Variants in MTF1 observed in about 807,000 individuals in gnomAD.
MTF1 encodes metal regulatory transcription factor 1, also known as MRE-binding transcription factor.
MTF1 carries 22 observed loss-of-function variants against 70.4 expected under a neutral mutation model. That is an observed-to-expected ratio of 0.31 (90% CI 0.22 to 0.45). The LOEUF is 0.45. Among genes scored for constraint, MTF1 ranks in the 20% least tolerant of loss-of-function variants. MTF1 has a pLI of 1.00. For missense variants in MTF1, 649 were observed against 922.0 expected, an observed-to-expected ratio of 0.70 and a Z score of 3.83; for synonymous variants, 333 against 352.8, an observed-to-expected ratio of 0.94 and a Z score of 0.63.
intron 9 of MTF1, among the ~76,000 whole-genome samples, chr1:37,821,845 C>G (rs1407472801): frequency 6.6e-6 from 1 of 152,080 alleles, no homozygotes; most frequent in Non-Finnish European, 1.5e-5. Context: ...CTTTTTTATA[C>G]TAGATGATGT....
At chr1:37,838,794 A>ATTATTTTTTTTTTTTTTTTTTTTTTTTT in intron 3 of MTF1, 38 bp from the exon 4 acceptor site, 2 of 501,744 alleles carry the variant, frequency 4.0e-6, no homozygotes, top group Non-Finnish European at 2.9e-6. Context: ...TTGTCATAAA[A>ATTATTTTTTTTTTTTTTTTTTTTTTTTT]TTCTTTTTTT....
Position 37,815,314 on chromosome 1 carries a change from C to G in MTF1, c.2084G>C (p.Cys695Ser). The G allele has an allele frequency of 1.2e-6, 2 of 1,614,084 alleles. No individual in the cohort carries two copies. The highest frequency in any genetic ancestry group is 1.7e-6 in the Non-Finnish European group (2 of 1,180,036). Residue 695 changes from cysteine to serine, a missense_variant, in exon 11 of 11, where the codon TGT (cysteine) becomes TCT (serine). Physicochemically the swap from Cys to Ser is moderately radical, Grantham distance 112. Around this residue, in one of 7 missense-constraint regions of MTF1, gnomAD observed 138 missense variants for 134.4 expected, o/e 1.03. Coordinates refer to ENST00000373036, the MANE Select transcript of MTF1 (RefSeq NM_005955.3). The surrounding 1 kb of genome is among the most constrained non-coding windows in gnomAD (Gnocchi z 4.5). ...AGTCTCTGCTTGTCGGCTTTGCTCA[C>G]AGGAGGAGGGCAAGGTAGAGGATGA... Reference protein sequence around the residue: ...GSSSSTLPSSCEQSRQAETPS... With the variant: ...GSSSSTLPSSSEQSRQAETPS...
chr1:37,839,245 G>T (rs1641220082), intron 3 of MTF1, among the ~76,000 whole-genome samples: 1 of 152,134 alleles, frequency 6.6e-6, no homozygotes, highest in African/African-American at 2.4e-5. Context: ...TAGCACAGTG[G>T]TATGAGTGTG....
At chr1:37,816,908 C>T (rs979399395) in intron 10 of MTF1, among the ~76,000 whole-genome samples, 3 of 152,050 alleles carry the variant, frequency 2.0e-5, no homozygotes, top group Non-Finnish European at 4.4e-5. Context: ...AGGGTGGGAA[C>T]GGGGAGGCCT....
intron 4 of MTF1, 61 bp from the exon 5 acceptor site, chr1:37,835,805 T>A: frequency 5.3e-6 from 7 of 1,322,520 alleles, no homozygotes; most frequent in Non-Finnish European, 6.5e-6. Context: ...ATCCTGAACG[T>A]CTTTTTTTTT....
intron 7 of MTF1, among the ~76,000 whole-genome samples, chr1:37,831,310 C>T (rs1342592750): frequency 6.6e-6 from 1 of 152,198 alleles, no homozygotes; most frequent in Non-Finnish European, 1.5e-5. Flanking sequence ...GACAAGCTGA[C>T]TCAGCAGGCT....
chr1:37,858,827 G>A (rs986439951), intron 1 of MTF1, among the ~76,000 whole-genome samples: 1 of 152,222 alleles, frequency 6.6e-6, no homozygotes, highest in African/African-American at 2.4e-5. Context: ...CTGGAATAGT[G>A]ATTCTTCCTT....
chr1:37,829,376 G>A (rs761730356), intron 7 of MTF1, among the ~76,000 whole-genome samples: 2 of 151,982 alleles, frequency 1.3e-5, no homozygotes, highest in Non-Finnish European at 2.9e-5. Flanking sequence ...GTGTTGCCCA[G>A]ACTGGTCTCA....
chr1:37,858,025 A>AG (rs1193930741), intron 1 of MTF1, among the ~76,000 whole-genome samples: 1 of 151,670 alleles, frequency 6.6e-6, no homozygotes, highest in Non-Finnish European at 1.5e-5. Flanking sequence ...TAAAAAAAAA[A>AG]AAAAAAGAAA....
At chr1:37,846,884 T>C (rs1204380884) in intron 2 of MTF1, among the ~76,000 whole-genome samples, 3 of 152,236 alleles carry the variant, frequency 2.0e-5, no homozygotes, top group African/African-American at 4.8e-5. Context: ...AGAGAGTTCC[T>C]GCTTCTGGGC....
Position 37,822,300 on chromosome 1 carries a change from G to C in MTF1, c.1588C>G (p.Pro530Ala), listed in dbSNP as rs1380291581. 4.3e-6 allele frequency: 7 copies of C among 1,613,972 alleles called. No homozygotes were observed. The highest frequency in any genetic ancestry group is 5.1e-6 in the Non-Finnish European group (6 of 1,179,984). ...AGGGGCAGAGTCTGGACCATGGCTG[G>C]CAGGGGCTCAGTAGTACTTTGTGGT... Reference protein sequence around the residue: ...APPQSTTEPLPAMVQTLPLGA... With the variant: ...APPQSTTEPLAAMVQTLPLGA... Residue 530 changes from proline (P) to alanine (A), a missense_variant, in exon 9 of 11, where the codon CCA becomes GCA. By Grantham distance (27) the Pro-to-Ala change is conservative. Around this residue, in one of 7 missense-constraint regions of MTF1, gnomAD observed 267 missense variants for 292.1 expected, o/e 0.91. Transcript: ENST00000373036.
In MTF1 at chr1:37,812,320, A is replaced by C. The variant is rs2148395701; in HGVS notation, c.*2816T>G. 1 of 152,356 alleles carries C rather than the reference A, an allele frequency of 6.6e-6. No homozygotes were observed. The highest frequency in any genetic ancestry group is 1.9e-4 in the East Asian group (1 of 5,180). The allele number at this position is 152,356 out of a possible 1,614,324, so 9.4% of individuals were successfully genotyped here. The stretch of plus-strand genomic sequence containing the variant: ...GGCTTATGGAAGGACAGGTAGGAAA[A>C]GAGAACTGGAAAAGGAGGGAAAGAA... On this transcript the variant is annotated 3_prime_UTR_variant, in exon 11 of 11. Coordinates refer to ENST00000373036, the MANE Select transcript of MTF1 (RefSeq NM_005955.3).
At chr1:37,850,566 A>AAGAGAGAG (rs59048233) in intron 2 of MTF1, among the ~76,000 whole-genome samples, 2 of 146,544 alleles carry the variant, frequency 1.4e-5, no homozygotes, top group African/African-American at 5.1e-5. Context: ...GGGAGAGAGA[A>AAGAGAGAG]AGAGAGAGAG....
chr1:37,856,353 T>C (rs1641494239), intron 2 of MTF1, among the ~76,000 whole-genome samples: 1 of 151,732 alleles, frequency 6.6e-6, no homozygotes, highest in Non-Finnish European at 1.5e-5. Context: ...AATTTTTCTA[T>C]TTTTAGTACA....
At chr1:37,842,353 C>G (rs1449974726) in intron 2 of MTF1, among the ~76,000 whole-genome samples, 1 of 152,010 alleles carries the variant, frequency 6.6e-6, no homozygotes, top group African/African-American at 2.4e-5. Flanking sequence ...CAGTTGACAC[C>G]ATTTCCATCA....
intron 2 of MTF1, among the ~76,000 whole-genome samples, chr1:37,847,762 G>A (rs1641355129): frequency 6.6e-6 from 1 of 152,192 alleles, no homozygotes; most frequent in Non-Finnish European, 1.5e-5. Flanking sequence ...TTGGGAGGCT[G>A]AGGTGGGAGG....
intron 7 of MTF1, among the ~76,000 whole-genome samples, chr1:37,827,444 A>C (rs1269351828): frequency 6.6e-6 from 1 of 151,330 alleles, no homozygotes; most frequent in African/African-American, 2.4e-5. Flanking sequence ...TGCAAGCTCC[A>C]CCTCCCAGGT....
chr1:37,853,357 G>C (rs113683653), intron 2 of MTF1, among the ~76,000 whole-genome samples: 31 of 152,046 alleles, frequency 2.0e-4, no homozygotes, highest in Non-Finnish European at 3.4e-4. Flanking sequence ...CTAGTCTAAG[G>C]GTCAGCACAC....
At chr1:37,816,756 G>C (rs1441370362) in intron 10 of MTF1, among the ~76,000 whole-genome samples, 1 of 152,118 alleles carries the variant, frequency 6.6e-6, no homozygotes, top group African/African-American at 2.4e-5. Context: ...CAGCTACTTG[G>C]GGGGCTGAGG....
Sources: allele counts gnomAD v4.1 joint callset (sites outside exome capture counted in the v4.1 genomes callset), GRCh38; gene constraint gnomAD v4.1.1; regional missense constraint gnomAD v4.1.1; non-coding constraint Gnocchi (gnomAD v3.1); transcripts MANE v1.5; gene names NCBI Gene and HGNC (gene_info 2026-07-23, HGNC 2026-07-21).